Variants in HMCN1 observed in about 807,000 individuals in gnomAD.
HMCN1 encodes the protein hemicentin-1.
A neutral mutation model predicts 625.9 loss-of-function variants in HMCN1; 321 were observed. That is an observed-to-expected ratio of 0.51 (90% CI 0.47 to 0.56). The LOEUF (loss-of-function observed/expected upper bound fraction) is 0.56, where lower values mean the gene tolerates loss of function less well. Ranked by LOEUF, HMCN1 falls within the 20% of genes least tolerant of loss-of-function variation. HMCN1 has a pLI of 0.00. For missense variants in HMCN1, 6,588 were observed against 6,887.3 expected, an observed-to-expected ratio of 0.96 and a Z score of 1.54; for synonymous variants, 2,425 against 2,417.6, an observed-to-expected ratio of 1.00 and a Z score of -0.09.
rs1661693254 is a variant in HMCN1, at chr1:186,127,246, A to G, written c.12691-832A>G. ...TGAGACATATCTTAGGCATCAGAGC[A>G]AAGAGTTAGAATAAGAAGTTCAATA... On this transcript the variant is annotated intron_variant, in intron 82 of 106. Transcript: ENST00000271588. 2.0e-5 allele frequency among the ~76,000 whole-genome samples: 3 copies of G among 152,108 alleles called. No individual in the cohort carries two copies. The South Asian group carries it at 6.2e-4, about 32-fold the overall frequency.
chr1:185,938,394 T>C (rs770364415), intron 11 of HMCN1, among the ~76,000 whole-genome samples: 5 of 152,208 alleles, frequency 3.3e-5, no homozygotes, highest in Non-Finnish European at 7.3e-5. Context: ...ATCAGATTTG[T>C]GTCTGACTTC....
Position 186,178,811 on chromosome 1 carries a change from C to A in HMCN1, c.16294+45C>A, listed in dbSNP as rs755818406. 6 of 1,273,614 alleles carry A rather than the reference C, an allele frequency of 4.7e-6. No individual in the cohort carries two copies. In the African/African-American group the frequency reaches 8.8e-5, roughly 19 times the overall value. The allele number at this position is 1,273,614 out of a possible 1,614,324, so 78.9% of individuals were successfully genotyped here. A position where few individuals can be genotyped will look rare whatever the true frequency, so the allele number is the denominator to read the frequency against. ...CATTTCCTTTCTGTGGGCTCTCTTA[C>A]TGATCAAAGTATGTGTACAGCACCT... is the stretch of plus-strand genomic sequence containing the variant. On this transcript the variant is annotated intron_variant, in intron 104 of 106. Coordinates refer to ENST00000271588, the MANE Select transcript of HMCN1 (RefSeq NM_031935.3).
chr1:186,056,624 A>G (rs371227738), intron 45 of HMCN1, among the ~76,000 whole-genome samples: 1 of 151,998 alleles, frequency 6.6e-6, no homozygotes, highest in Non-Finnish European at 1.5e-5. Flanking sequence ...GACCATAATC[A>G]TAAGTGAATT....
Position 186,114,058 on chromosome 1 carries a change from A to C in HMCN1, c.11211A>C (p.Glu3737Asp). 2 of 1,614,130 alleles carry C rather than the reference A, an allele frequency of 1.2e-6. No homozygotes were observed. The highest frequency in any genetic ancestry group is 1.7e-6 in the Non-Finnish European group (2 of 1,179,972). The change falls in exon 73 of 107, where the codon GAA (glutamate) becomes GAC (aspartate). Residue 3737 changes from glutamate to aspartate, a missense_variant. Transcript: ENST00000271588. Reference protein sequence around the residue: ...NKSTVLECIAEGVPTPRITWR... With the variant: ...NKSTVLECIADGVPTPRITWR... ...CAACTGTATTGGAATGCATCGCTGA[A>C]GGTGTGCCAACTCCAAGGATAACAT...
chr1:185,885,711 A>G (rs1441404732), intron 4 of HMCN1, among the ~76,000 whole-genome samples: 2 of 152,074 alleles, frequency 1.3e-5, no homozygotes. Flanking sequence ...ATTTTGGAGA[A>G]GTAGATAATT....
At chr1:186,037,398 T>A (rs1040750462) in intron 36 of HMCN1, among the ~76,000 whole-genome samples, 1 of 152,204 alleles carries the variant, frequency 6.6e-6, no homozygotes, top group African/African-American at 2.4e-5. Flanking sequence ...TACTTAAAGT[T>A]GAAAACGTAC....
At position 186,145,861 on chromosome 1, in the gene HMCN1, G is replaced by T. The variant is rs1650286330; in HGVS notation, c.14546G>T (p.Gly4849Val). The T allele has an allele frequency of 6.2e-7, 1 of 1,614,048 alleles. No individual in the cohort carries two copies. Among genetic ancestry groups the T allele is most frequent in the Non-Finnish European group, 8.5e-7 (1 of 1,180,010 alleles). The stretch of plus-strand genomic sequence containing the variant: ...TGCGACCATCCTGTGCCAGTTAAAG[G>T]TGGCCGTCCCTGTCCCGGAGACACT... ...RLCDHPVPVK[G>V]GRPCPGDTTQ... The change falls in exon 93 of 107, where the codon GGT becomes GTT. Residue 4849 changes from glycine to valine, a missense_variant. Around this residue, in one of 3 missense-constraint regions of HMCN1, gnomAD observed 1,954 missense variants for 2,013.1 expected, o/e 0.97. Coordinates refer to ENST00000271588, the MANE Select transcript of HMCN1 (RefSeq NM_031935.3).
intron 1 of HMCN1, among the ~76,000 whole-genome samples, chr1:185,786,873 G>C (rs1657611494): frequency 6.6e-6 from 1 of 152,118 alleles, no homozygotes; most frequent in Non-Finnish European, 1.5e-5. Context: ...TGCTACGTTT[G>C]CCAACATTTC....
chr1:186,170,795 C>A (rs747454144), intron 100 of HMCN1, among the ~76,000 whole-genome samples: 1 of 152,120 alleles, frequency 6.6e-6, no homozygotes, highest in Non-Finnish European at 1.5e-5. Context: ...GGAGTTCATG[C>A]CTGCACACTG....
intron 1 of HMCN1, among the ~76,000 whole-genome samples, chr1:185,809,707 T>G (rs1659393709): frequency 6.6e-6 from 1 of 152,020 alleles, no homozygotes; most frequent in African/African-American, 2.4e-5. Context: ...ATAACATACT[T>G]TTTGATATAT....
At chr1:186,093,449 T>G in intron 65 of HMCN1, 37 bp from the exon 66 acceptor site, 1 of 1,602,556 alleles carries the variant, frequency 6.2e-7, no homozygotes, top group Non-Finnish European at 8.5e-7. Context: ...ACATAATACA[T>G]CCCTCTTCCC....
intron 2 of HMCN1, among the ~76,000 whole-genome samples, chr1:185,853,561 A>G (rs1009582417): frequency 1.3e-5 from 2 of 152,144 alleles, no homozygotes; most frequent in East Asian, 1.9e-4. Flanking sequence ...AGAGTAAAGA[A>G]TTCTCTGAGG....
Position 186,045,803 on chromosome 1 carries a change from C to G in HMCN1, c.6420C>G (p.Asp2140Glu). The change falls in exon 41 of 107, where the codon GAC (aspartate) becomes GAG (glutamate). Residue 2140 changes from aspartate (D) to glutamate (E), a missense_variant. Around this residue, in one of 3 missense-constraint regions of HMCN1, gnomAD observed 4,628 missense variants for 4,853.1 expected, o/e 0.95. Coordinates refer to ENST00000271588, the MANE Select transcript of HMCN1 (RefSeq NM_031935.3). ...IPPPTLTWLKDGHPLLKKPGL... is the reference protein window; with the variant it reads ...IPPPTLTWLKEGHPLLKKPGL... Reference sequence around the variant, plus strand: ...CACCTACTCTTACTTGGTTAAAAGACGGCCACCCCTTGCTGAAGAAACCAG... The same window carrying G: ...CACCTACTCTTACTTGGTTAAAAGAGGGCCACCCCTTGCTGAAGAAACCAG... The G allele has an allele frequency of 6.2e-7, 1 of 1,612,920 alleles. No individual in the cohort carries two copies. Among genetic ancestry groups the G allele is most frequent in the East Asian group, 2.2e-5 (1 of 44,762 alleles).
intron 105 of HMCN1, among the ~76,000 whole-genome samples, chr1:186,187,504 T>A (rs1207985715): frequency 2.6e-5 from 4 of 152,210 alleles, no homozygotes; most frequent in African/African-American, 9.6e-5. Context: ...GCAAAAAATA[T>A]TCACAAATGT....
At position 186,178,428 on chromosome 1, in the gene HMCN1, G is replaced by A. The variant is rs1571470567; in HGVS notation, c.15956G>A (p.Cys5319Tyr). ...VGRPCMDINECEQVPKPCAHQ... is the reference protein window; with the variant it reads ...VGRPCMDINEYEQVPKPCAHQ... Reference sequence around the variant, plus strand: ...GGCATACGAGCAGACATTAATGAATGTGAACAAGTGCCTAAACCTTGTGCA... The same window carrying A: ...GGCATACGAGCAGACATTAATGAATATGAACAAGTGCCTAAACCTTGTGCA... The change falls in exon 104 of 107, where the codon TGT (cysteine) becomes TAT (tyrosine). Residue 5319 changes from cysteine to tyrosine, a missense_variant. Physicochemically the swap from Cys to Tyr is radical, Grantham distance 194 (BLOSUM62 -2). Coordinates refer to ENST00000271588, the MANE Select transcript of HMCN1 (RefSeq NM_031935.3). The A allele has an allele frequency of 1.2e-6, 2 of 1,613,042 alleles. No individual in the cohort carries two copies.
intron 1 of HMCN1, among the ~76,000 whole-genome samples, chr1:185,841,433 G>A (rs1050771137): frequency 7.2e-5 from 11 of 152,104 alleles, no homozygotes; most frequent in East Asian, 3.8e-4. Context: ...AATTGTTTCC[G>A]TTGATTAATC....
At chr1:186,151,572 T>C (rs751562714) in intron 94 of HMCN1, 34 bp from the exon 95 acceptor site, 1 of 1,590,932 alleles carries the variant, frequency 6.3e-7, no homozygotes. Flanking sequence ...CTAAAAATTT[T>C]GCTATCACCT....
intron 4 of HMCN1, among the ~76,000 whole-genome samples, chr1:185,868,838 T>C (rs914389982): frequency 6.6e-6 from 1 of 152,190 alleles, no homozygotes; most frequent in Non-Finnish European, 1.5e-5. Flanking sequence ...TAAATATGGA[T>C]ATATTAGAGA....
At chr1:185,811,743 C>T (rs1018350499) in intron 1 of HMCN1, among the ~76,000 whole-genome samples, 4 of 150,878 alleles carry the variant, frequency 2.7e-5, no homozygotes, top group Admixed American at 2.0e-4. Context: ...AAAAAAAATA[C>T]ACATATGTAT....
Sources: allele counts gnomAD v4.1 joint callset (sites outside exome capture counted in the v4.1 genomes callset), GRCh38; gene constraint gnomAD v4.1.1; regional missense constraint gnomAD v4.1.1; transcripts MANE v1.5; gene names NCBI Gene and HGNC (gene_info 2026-07-23, HGNC 2026-07-21).